BCKDHB: variants seen among roughly 807,000 people sequenced by gnomAD.
The protein encoded by BCKDHB is branched chain keto acid dehydrogenase E1 subunit beta.
Under a neutral mutation model 48.5 loss-of-function variants are expected in BCKDHB, and 41 were observed. That is an observed-to-expected ratio of 0.85 (90% CI 0.66 to 1.10). BCKDHB has a LOEUF of 1.10. BCKDHB is among the 50% of genes least tolerant of loss of function. The pLI is 0.00. For synonymous variants in BCKDHB, 201 were observed against 174.8 expected, an observed-to-expected ratio of 1.15 and a Z score of -1.18; for missense variants, 496 against 494.2, an observed-to-expected ratio of 1.00 and a Z score of -0.03.
the BCKDHB span, among the ~76,000 whole-genome samples, chr6:80,426,683 C>A: frequency 4.6e-5 from 7 of 152,072 alleles, no homozygotes; most frequent in Non-Finnish European, 1.5e-5. Context: ...GGTCAGAGAA[C>A]ACACTTTATA....
intron 8 of BCKDHB, among the ~76,000 whole-genome samples, chr6:80,212,379 G>A (rs566170883): frequency 6.6e-6 from 1 of 152,158 alleles, no homozygotes; most frequent in East Asian, 1.9e-4. Flanking sequence ...AAAGAATTTA[G>A]CGATATCTCT....
intron 8 of BCKDHB, among the ~76,000 whole-genome samples, chr6:80,271,948 T>G (rs1378654282): frequency 6.6e-6 from 1 of 152,166 alleles, no homozygotes; most frequent in East Asian, 1.9e-4. Context: ...ATTTTTGTCT[T>G]TTTATATTTT....
chr6:80,273,637 A>C (rs16891629), intron 9 of BCKDHB, among the ~76,000 whole-genome samples: 16,552 of 152,124 alleles, frequency 0.11, 1,124 homozygotes, highest in South Asian at 0.25. Context: ...TTTTCACAGC[A>C]TTCACGTTCT....
downstream of BCKDHB, among the ~76,000 whole-genome samples, chr6:80,349,932 A>G (rs1770347943): frequency 6.6e-6 from 1 of 152,146 alleles, no homozygotes; most frequent in African/African-American, 2.4e-5. Flanking sequence ...CAATAGAAAT[A>G]TGTTTTAAAC....
chr6:80,326,822 C>T (rs1038693325), intron 9 of BCKDHB, among the ~76,000 whole-genome samples: 1 of 151,998 alleles, frequency 6.6e-6, no homozygotes, highest in African/African-American at 2.4e-5. Flanking sequence ...GCTGAGATCG[C>T]ACCACTGGAC....
intron 3 of BCKDHB, among the ~76,000 whole-genome samples, chr6:80,145,404 G>A (rs754943232): frequency 6.6e-6 from 1 of 152,214 alleles, no homozygotes; most frequent in Non-Finnish European, 1.5e-5. Context: ...GTGCTTGAGG[G>A]GACTTTCCCC....
intron 8 of BCKDHB, among the ~76,000 whole-genome samples, chr6:80,259,670 G>C (rs1370598217): frequency 6.6e-6 from 1 of 151,988 alleles, no homozygotes; most frequent in Non-Finnish European, 1.5e-5. Context: ...ACCCTAACAT[G>C]TTTCTTTTAA....
intron 9 of BCKDHB, among the ~76,000 whole-genome samples, chr6:80,337,624 ATTATAT>A (rs1231664004): frequency 1.3e-5 from 2 of 151,690 alleles, no homozygotes; most frequent in Non-Finnish European, 2.9e-5. Flanking sequence ...ATATTTATCC[ATTATAT>A]TTATAATTTA....
intron 3 of BCKDHB, among the ~76,000 whole-genome samples, chr6:80,131,464 C>G (rs193194416): frequency 1.8e-4 from 27 of 152,228 alleles, no homozygotes; most frequent in African/African-American, 6.3e-4. Context: ...AATCTGGCCC[C>G]TCCTTTCCAT....
chr6:80,238,571 C>G (rs1776241984), intron 8 of BCKDHB, among the ~76,000 whole-genome samples: 1 of 151,644 alleles, frequency 6.6e-6, no homozygotes, highest in South Asian at 2.1e-4. Flanking sequence ...TTTTTTCACT[C>G]TTTTTATTTT....
chr6:80,271,960 G>A (rs1307458844), intron 8 of BCKDHB, among the ~76,000 whole-genome samples: 1 of 149,286 alleles, frequency 6.7e-6, no homozygotes, highest in Non-Finnish European at 1.5e-5. Flanking sequence ...TTATATTTTT[G>A]TACAGGTACA....
chr6:80,295,497 CG>C (rs1030256374), intron 9 of BCKDHB, among the ~76,000 whole-genome samples: 21 of 152,026 alleles, frequency 1.4e-4, no homozygotes, highest in Non-Finnish European at 2.4e-4. Flanking sequence ...TACCTCCCAC[CG>C]GATCTCTCCC....
chr6:80,459,819 G>T, the BCKDHB span, among the ~76,000 whole-genome samples: 1 of 152,074 alleles, frequency 6.6e-6, no homozygotes, highest in Non-Finnish European at 1.5e-5. Context: ...CTCTTCCAAA[G>T]GTTGAATGTC....
chr6:80,191,174 C>G (rs1012458197), intron 6 of BCKDHB, among the ~76,000 whole-genome samples: 1 of 152,058 alleles, frequency 6.6e-6, no homozygotes, highest in East Asian at 1.9e-4. Context: ...AGGTTGCCCT[C>G]GAGAAGAGGG....
At chr6:80,272,148 G>T (rs1777772385) in intron 8 of BCKDHB, among the ~76,000 whole-genome samples, 2 of 152,038 alleles carry the variant, frequency 1.3e-5, no homozygotes, top group Non-Finnish European at 1.5e-5. Flanking sequence ...ACTTATTTTT[G>T]TCATGGCTAC....
the BCKDHB span, among the ~76,000 whole-genome samples, chr6:80,446,409 A>G: frequency 0.011 from 1,672 of 152,318 alleles, 16 homozygotes; most frequent in African/African-American, 0.025. Flanking sequence ...CACATTTTAC[A>G]TGGTTTCACG....
chr6:80,149,326 G>A (rs1010833861), intron 3 of BCKDHB, among the ~76,000 whole-genome samples: 5 of 152,172 alleles, frequency 3.3e-5, no homozygotes, highest in African/African-American at 1.2e-4. Context: ...AACAACAGGT[G>A]CTGGAGAGGA....
At chr6:80,310,821 G>A (rs1768115651) in intron 9 of BCKDHB, among the ~76,000 whole-genome samples, 1 of 152,096 alleles carries the variant, frequency 6.6e-6, no homozygotes, top group Non-Finnish European at 1.5e-5. Context: ...TTTCATTGGG[G>A]TTTTGATTTG....
At chr6:80,231,746 T>C (rs1775932359) in intron 8 of BCKDHB, among the ~76,000 whole-genome samples, 1 of 152,172 alleles carries the variant, frequency 6.6e-6, no homozygotes, top group African/African-American at 2.4e-5. Context: ...GCAGGCGGAT[T>C]ATGAGGTCAG....
Sources: allele counts gnomAD v4.1 joint callset (sites outside exome capture counted in the v4.1 genomes callset), GRCh38; gene constraint gnomAD v4.1.1; transcripts MANE v1.5; gene names NCBI Gene and HGNC (gene_info 2026-07-23, HGNC 2026-07-21).